The following RAPGEF1 variants were observed in gnomAD, a reference collection of about 807,000 sequenced individuals.
The protein encoded by RAPGEF1 is CRK SH3-binding GNRP.
In RAPGEF1, 33 loss-of-function variants were observed where a neutral mutation model predicts 143.3. The ratio of observed to expected loss-of-function variants is 0.23; its 90% CI spans 0.17 to 0.31. The LOEUF (loss-of-function observed/expected upper bound fraction) is 0.31. Ranked by LOEUF, RAPGEF1 falls within the 10% of genes least tolerant of loss-of-function variation. The probability of loss-of-function intolerance (pLI) is 1.00; values close to 1 mark genes in which losing one functional copy is unlikely to be tolerated. For synonymous variants in RAPGEF1, 629 were observed against 676.5 expected (o/e 0.93, Z 1.09); for missense variants, 1,199 against 1,645.4 (o/e 0.73, Z 4.69).
intron 11 of RAPGEF1, 118 bp from the exon 12 acceptor site, chr9:131,619,324 C>A: frequency 3.3e-6 from 3 of 912,238 alleles, no homozygotes; most frequent in Non-Finnish European, 4.5e-6. Context: ...AACAGACGTT[C>A]TGGAGAGGGA....
At chr9:131,724,362 G>C (rs1315409931) in intron 1 of RAPGEF1, among the ~76,000 whole-genome samples, 1 of 152,190 alleles carries the variant, frequency 6.6e-6, no homozygotes, top group African/African-American at 2.4e-5. Context: ...TTGGGAGGCC[G>C]AGGCAGGTGG....
At chr9:131,726,902 G>A (rs1320179098) in intron 1 of RAPGEF1, among the ~76,000 whole-genome samples, 2 of 152,054 alleles carry the variant, frequency 1.3e-5, no homozygotes, top group Non-Finnish European at 2.9e-5. Context: ...TACTCAAGAG[G>A]CTGAAATTGA....
intron 1 of RAPGEF1, among the ~76,000 whole-genome samples, chr9:131,657,026 A>C (rs1025005252): frequency 6.6e-6 from 1 of 152,272 alleles, no homozygotes; most frequent in African/African-American, 2.4e-5. Flanking sequence ...AATCGAGGAC[A>C]GCACTAACTA....
chr9:131,579,440 G>C lies in RAPGEF1; in HGVS notation c.*57C>G. The stretch of plus-strand genomic sequence containing the variant: ...CCTAACAGGTCCAAGGTCCTCTCCG[G>C]TCTGGGAGCTGCCCTCTGCGCCCCT... On this transcript the variant is annotated 3_prime_UTR_variant, in exon 27 of 27. Coordinates refer to ENST00000683357, the MANE Select transcript of RAPGEF1 (RefSeq NM_001377935.1). 1 of 1,590,530 alleles carries C rather than the reference G, an allele frequency of 6.3e-7. No homozygotes were observed. Among genetic ancestry groups the C allele is most frequent in the Non-Finnish European group, 8.6e-7 (1 of 1,166,758 alleles).
At chr9:131,732,729 T>A (rs2131344689) in intron 1 of RAPGEF1, among the ~76,000 whole-genome samples, 1 of 152,310 alleles carries the variant, frequency 6.6e-6, no homozygotes, top group South Asian at 2.1e-4. Flanking sequence ...CTAAAGATAA[T>A]TTGAGACTTG....
At chr9:131,664,554 CA>C (rs201766296) in intron 1 of RAPGEF1, among the ~76,000 whole-genome samples, 33,127 of 152,006 alleles carry the variant, frequency 0.22, 4,136 homozygotes, top group Non-Finnish European at 0.29. Context: ...AGCTCCCTTC[CA>C]CAACAGTGAG....
chr9:131,611,788 C>T (rs1035507927), intron 12 of RAPGEF1, among the ~76,000 whole-genome samples: 1 of 152,186 alleles, frequency 6.6e-6, no homozygotes, highest in Non-Finnish European at 1.5e-5. Flanking sequence ...GAAATACACG[C>T]CTCTCAACGT....
At chr9:131,629,828 T>C (rs4740173) in intron 6 of RAPGEF1, among the ~76,000 whole-genome samples, 85,730 of 151,906 alleles carry the variant, frequency 0.56, 26,386 homozygotes, top group Non-Finnish European at 0.69. Flanking sequence ...TTTATATTTT[T>C]ACCAGGAGCT....
rs747205964 is a variant in RAPGEF1, at chr9:131,650,965, G to A, written c.62-16C>T. 6.2e-7 allele frequency: 1 copy of A among 1,611,748 alleles called. No homozygotes were observed. Among genetic ancestry groups the A allele is most frequent in the Non-Finnish European group, 8.5e-7 (1 of 1,178,828 alleles). ...CGCTGAGAGTCTGAAAACAAAGAGG[G>A]TACTGACTGTTAGATGGGAGTGGGA... On this transcript the variant is annotated splice_polypyrimidine_tract_variant and intron_variant, in intron 1 of 26. Coordinates refer to ENST00000683357, the MANE Select transcript of RAPGEF1 (RefSeq NM_001377935.1). The surrounding 1 kb of genome is among the most constrained non-coding windows in gnomAD (Gnocchi z 4.7).
Position 131,584,288 on chromosome 9 carries a change from G to A in RAPGEF1, c.3414+23C>T, listed in dbSNP as rs763124080. Reference sequence around the variant, plus strand: ...GGCCCCCCTTACCAGCCACCCTCCCGCCCACGCCCCAAGGCCACTCACCTC... The same window carrying A: ...GGCCCCCCTTACCAGCCACCCTCCCACCCACGCCCCAAGGCCACTCACCTC... On this transcript the variant is annotated intron_variant, in intron 24 of 26. Transcript: ENST00000683357. The surrounding 1 kb of genome is among the most constrained non-coding windows in gnomAD (Gnocchi z 6.8). 2.4e-5 allele frequency: 33 copies of A among 1,397,402 alleles called. No homozygotes were observed. The highest frequency in any genetic ancestry group is 3.0e-5 in the Non-Finnish European group (30 of 993,034). 86.6% of individuals were successfully genotyped at this position (1,397,402 alleles called of 1,614,324 possible).
chr9:131,594,860 A>G (rs963434674), intron 17 of RAPGEF1, among the ~76,000 whole-genome samples: 1 of 152,092 alleles, frequency 6.6e-6, no homozygotes, highest in African/African-American at 2.4e-5. Flanking sequence ...AGTGGAGTTC[A>G]CCCTTTGGAG....
rs1261547210 is a variant in RAPGEF1 at position 131,584,010 on chromosome 9, C to T, written c.3414+301G>A. ...GCCCGAAGCAGACCCTTCAGAAGAACGGGCTGAGGGCGGGCGGGGGAGGCG... is the reference window on the plus strand; with the variant it reads ...GCCCGAAGCAGACCCTTCAGAAGAATGGGCTGAGGGCGGGCGGGGGAGGCG... On this transcript the variant is annotated intron_variant, in intron 24 of 26. Coordinates refer to ENST00000683357, the MANE Select transcript of RAPGEF1 (RefSeq NM_001377935.1). The surrounding 1 kb of genome is among the most constrained non-coding windows in gnomAD (Gnocchi z 6.8). Among the ~76,000 whole-genome samples, 5 of 152,352 alleles carry T rather than the reference C, an allele frequency of 3.3e-5. No individual in the cohort carries two copies. The highest frequency in any genetic ancestry group is 1.9e-4 in the East Asian group (1 of 5,182).
chr9:131,623,503 T>C (rs939677293), intron 10 of RAPGEF1, among the ~76,000 whole-genome samples: 2 of 152,222 alleles, frequency 1.3e-5, no homozygotes, highest in Non-Finnish European at 2.9e-5. Context: ...TTCTGAACTC[T>C]TGATGTTGAA....
chr9:131,662,201 T>C (rs1010721243), intron 1 of RAPGEF1, among the ~76,000 whole-genome samples: 2 of 152,190 alleles, frequency 1.3e-5, no homozygotes, highest in Non-Finnish European at 2.9e-5. Context: ...TTCCTTCTGC[T>C]GTGTGTCACT....
chr9:131,600,611 T>C (rs1486304500), intron 15 of RAPGEF1, among the ~76,000 whole-genome samples: 1 of 152,210 alleles, frequency 6.6e-6, no homozygotes, highest in African/African-American at 2.4e-5. Flanking sequence ...CCATTCATGC[T>C]GAGCCCTGAT....
At chr9:131,723,316 AG>A (rs1362596724) in intron 1 of RAPGEF1, among the ~76,000 whole-genome samples, 2 of 152,246 alleles carry the variant, frequency 1.3e-5, no homozygotes, top group Non-Finnish European at 2.9e-5. Context: ...ATCATTTTAA[AG>A]TGATTACCAC....
intron 3 of RAPGEF1, among the ~76,000 whole-genome samples, chr9:131,645,528 C>G (rs933232099): frequency 6.6e-6 from 1 of 152,256 alleles, no homozygotes; most frequent in Non-Finnish European, 1.5e-5. Flanking sequence ...CAATGTAGCA[C>G]AGCCAGGCTG....
intron 1 of RAPGEF1, among the ~76,000 whole-genome samples, chr9:131,690,321 A>G (rs1201862170): frequency 1.3e-5 from 2 of 152,222 alleles, no homozygotes; most frequent in Non-Finnish European, 2.9e-5. Flanking sequence ...TTCTTCCAAA[A>G]CGAGAAAGAG....
rs1960925830 is a variant in RAPGEF1 at position 131,621,320 on chromosome 9, C to T, written c.1905+476G>A. Among the ~76,000 whole-genome samples, 1 of 152,192 alleles carries T rather than the reference C, an allele frequency of 6.6e-6. No individual in the cohort carries two copies. The highest frequency in any genetic ancestry group is 1.5e-5 in the Non-Finnish European group (1 of 68,030). Reference sequence around the variant, plus strand: ...CCTCCACTTCAATGGCACTTGTTTTCCTTGGGCCCTCCCCGGCCAAGGCTG... The same window carrying T: ...CCTCCACTTCAATGGCACTTGTTTTTCTTGGGCCCTCCCCGGCCAAGGCTG... On this transcript the variant is annotated intron_variant, in intron 11 of 26. Transcript: ENST00000683357. This position sits in a 1 kb window ranked among gnomAD's most constrained non-coding sequence, Gnocchi z 4.5.
Sources: gnomAD v4.1 joint callset for allele counts (sites outside exome capture counted in the v4.1 genomes callset) on GRCh38, gnomAD v4.1.1 for gene constraint, Gnocchi (gnomAD v3.1) non-coding constraint, MANE v1.5 for transcripts, NCBI Gene and HGNC (gene_info 2026-07-23, HGNC 2026-07-21) for gene names.